Variants in PASD1 observed in about 807,000 individuals in gnomAD.
PASD1 encodes the protein PAS domain containing repressor 1.
A neutral mutation model predicts 58.8 loss-of-function variants in PASD1; 13 were observed. That is an observed-to-expected ratio of 0.22 (90% confidence interval 0.14 to 0.35). The LOEUF (loss-of-function observed/expected upper bound fraction) is 0.35. PASD1 is among the 10% of genes least tolerant of loss of function. PASD1 has a pLI of 1.00. For synonymous variants in PASD1, 236 were observed against 216.7 expected (o/e 1.09, Z -0.78); for missense variants, 734 against 568.3 (o/e 1.29, Z -2.96).
intron 1 of PASD1, among the ~76,000 whole-genome samples, chrX:151,587,660 G>C (rs1186832747): frequency 9.0e-6 from 1 of 111,626 alleles, no homozygotes; most frequent in Non-Finnish European, 1.9e-5. Context: ...CTTACTGAAA[G>C]AACTAAGGTT....
chrX:151,591,934 T>C (rs941729352), intron 1 of PASD1, among the ~76,000 whole-genome samples: 11 of 112,126 alleles, frequency 9.8e-5, no homozygotes, highest in African/African-American at 3.6e-4. Context: ...TCTCTCTCCA[T>C]GGTAAAACTT....
At chrX:151,675,270 T>G (rs2014530435) in intron 15 of PASD1, among the ~76,000 whole-genome samples, 1 of 111,451 alleles carries the variant, frequency 9.0e-6, no homozygotes, top group Admixed American at 9.5e-5. Context: ...CTCCCTGCTA[T>G]CCTCAGGATG....
At chrX:151,613,568 C>T (rs1275768680) in intron 4 of PASD1, among the ~76,000 whole-genome samples, 2 of 110,209 alleles carry the variant, frequency 1.8e-5, no homozygotes, top group African/African-American at 3.3e-5. Context: ...GTATTTTATT[C>T]ACTTTGAAGC....
intron 9 of PASD1, among the ~76,000 whole-genome samples, chrX:151,651,958 T>C (rs1310724284): frequency 8.9e-6 from 1 of 112,435 alleles, no homozygotes; most frequent in Non-Finnish European, 1.9e-5. Context: ...TTTGTCATAT[T>C]GTCCTATTTG....
rs772208502 is a variant in PASD1 at position 151,576,369 on chromosome X, A to G, written c.-28+12530A>G. Among the ~76,000 whole-genome samples the G allele has an allele frequency of 4.7e-4, 53 of 112,264 alleles. 1 individual carries two copies. The highest frequency in any genetic ancestry group is 1.9e-3 in the South Asian group (5 of 2,702). On this transcript the variant is annotated intron_variant, in intron 1 of 15. Transcript: ENST00000370357. ...ATTCATACAATGCTCAGTCAGGCTT[A>G]AAGCATAGGCCAAGATGTAACATCA...
At chrX:151,604,861 C>T in intron 3 of PASD1, 127 bp downstream of exon 3, 1 of 520,277 alleles carries the variant, frequency 1.9e-6, no homozygotes. Context: ...AGCTTGATAA[C>T]TTAAATCGTC....
At chrX:151,614,053 C>T (rs967676690) in intron 4 of PASD1, among the ~76,000 whole-genome samples, 6 of 109,249 alleles carry the variant, frequency 5.5e-5, no homozygotes, top group African/African-American at 1.0e-4. Flanking sequence ...GGTGCGATCT[C>T]GGCTCACTGC....
chrX:151,653,686 TCC>T (rs2014165061), intron 9 of PASD1, among the ~76,000 whole-genome samples: 1 of 105,008 alleles, frequency 9.5e-6, no homozygotes, highest in Non-Finnish European at 2.0e-5. Flanking sequence ...CTTCCTTCCT[TCC>T]TTCCCTCCTC....
intron 10 of PASD1, among the ~76,000 whole-genome samples, chrX:151,660,609 T>C (rs889965612): frequency 2.7e-5 from 3 of 112,487 alleles, no homozygotes; most frequent in Non-Finnish European, 5.6e-5. Flanking sequence ...GAGCATTGAT[T>C]GCTTTAAACC....
chrX:151,648,515 C>G (rs1263454994), intron 8 of PASD1, 100 bp from the exon 9 acceptor site: 1 of 789,558 alleles, frequency 1.3e-6, no homozygotes, highest in Non-Finnish European at 1.9e-6. Flanking sequence ...GAAAATAAAA[C>G]AAATAGTTTT....
chrX:151,572,786 T>C (rs2012944421), intron 1 of PASD1, among the ~76,000 whole-genome samples: 1 of 108,367 alleles, frequency 9.2e-6, no homozygotes, highest in Admixed American at 1.0e-4. Flanking sequence ...CGAACAGGAA[T>C]GGCTATCTCC....
chrX:151,616,040 G>A (rs1294376323), intron 4 of PASD1, among the ~76,000 whole-genome samples: 1 of 112,038 alleles, frequency 8.9e-6, no homozygotes, highest in Non-Finnish European at 1.9e-5. Context: ...ACAGCAAAGA[G>A]GACAGTGTAA....
rs142659575 is a variant in PASD1 at position 151,651,146 on chromosome X, A to G, written c.717+2444A>G. Among the ~76,000 whole-genome samples, 1,072 of 112,058 alleles carry G rather than the reference A, an allele frequency of 9.6e-3. 17 individuals are homozygous for G. Among genetic ancestry groups the G allele is most frequent in the African/African-American group, 0.033 (1,007 of 30,843 alleles). ...CATACTGGAAATCCTCATAACACAC[A>G]AGACATTAAGTGAGAGTACATAGAA... On this transcript the variant is annotated intron_variant, in intron 9 of 15. Coordinates refer to ENST00000370357, the MANE Select transcript of PASD1 (RefSeq NM_173493.3).
At position 151,676,185 on chromosome X, in the gene PASD1, G is replaced by A. The variant is rs2014543153; in HGVS notation, c.*42G>A. 1.7e-6 allele frequency: 2 copies of A among 1,181,659 alleles called. No homozygotes were observed. The highest frequency in any genetic ancestry group is 2.3e-6 in the Non-Finnish European group (2 of 876,654). On this transcript the variant is annotated 3_prime_UTR_variant, in exon 16 of 16. Transcript: ENST00000370357. ...AGTGATGAGGGGAAATGGGGGGAGG[G>A]GGCAGGCCAATGAGGTCTGCATGGC...
intron 9 of PASD1, among the ~76,000 whole-genome samples, chrX:151,658,066 A>C (rs2014269614): frequency 9.0e-6 from 1 of 111,053 alleles, no homozygotes. Flanking sequence ...CTCCCCCTAC[A>C]TATTTGCAGT....
chrX:151,633,477 T>C (rs946666554), intron 8 of PASD1, among the ~76,000 whole-genome samples: 16 of 111,498 alleles, frequency 1.4e-4, no homozygotes, highest in Non-Finnish European at 5.6e-5. Flanking sequence ...ATTTAACTAA[T>C]CATATTAGTA....
chrX:151,665,920 TAATG>T (rs2014372292), intron 11 of PASD1, among the ~76,000 whole-genome samples: 1 of 106,948 alleles, frequency 9.4e-6, no homozygotes, highest in Non-Finnish European at 1.9e-5. Context: ...TTTTTTGGTC[TAATG>T]AATGTCTGCT....
At chrX:151,620,882 C>T in intron 4 of PASD1, 48 bp from the exon 5 acceptor site, 6 of 988,644 alleles carry the variant, frequency 6.1e-6, no homozygotes, top group Non-Finnish European at 8.6e-6. Flanking sequence ...TACTCTCTCC[C>T]TCTTCCCCTC....
At chrX:151,563,864 C>G (rs1049328404) in intron 1 of PASD1, 25 bp downstream of exon 1, 3 of 112,365 alleles carry the variant, frequency 2.7e-5, no homozygotes, top group Non-Finnish European at 5.6e-5. Context: ...TTAATGAAAG[C>G]TACTGCAAAG....
Sources: gnomAD v4.1 joint callset for allele counts (sites outside exome capture counted in the v4.1 genomes callset) on GRCh38, gnomAD v4.1.1 for gene constraint, MANE v1.5 for transcripts, NCBI Gene and HGNC (gene_info 2026-07-23, HGNC 2026-07-21) for gene names.